The following CFAP157 variants were observed in gnomAD, a reference collection of about 807,000 sequenced individuals.
CFAP157 encodes cilia and flagella associated protein 157, also known as cilia- and flagella-associated protein 157.
Under a neutral mutation model 57.8 loss-of-function variants are expected in CFAP157, and 43 were observed. The ratio of observed to expected loss-of-function variants is 0.74; its 90% CI spans 0.58 to 0.96. The LOEUF is 0.96. Ranked by LOEUF, CFAP157 falls within the 40% of genes least tolerant of loss-of-function variation. The probability of loss-of-function intolerance (pLI) is 0.00; values close to 1 mark genes in which losing one functional copy is unlikely to be tolerated. For missense variants in CFAP157, 606 were observed against 655.3 expected (o/e 0.92, Z 0.82); for synonymous variants, 267 against 269.0 (o/e 0.99, Z 0.07).
chr9:127,715,605 C>G lies in CFAP157; in HGVS notation c.*1700C>G. On this transcript the variant is annotated 3_prime_UTR_variant, in exon 9 of 9. Transcript: ENST00000373295. The surrounding 1 kb of genome is among the most constrained non-coding windows in gnomAD (Gnocchi z 5.8). ...ACATCGGCTCATGGCTCTACTCAGC[C>G]GCTGTCCGGCGCCCAAAAAGCCGCC... is the stretch of plus-strand genomic sequence containing the variant. The G allele has an allele frequency of 6.2e-7, 1 of 1,613,070 alleles. No individual in the cohort carries two copies. The highest frequency in any genetic ancestry group is 1.1e-5 in the South Asian group (1 of 91,072).
In CFAP157 at chr9:127,714,476, C is replaced by A; in HGVS notation, c.*571C>A. The A allele has an allele frequency of 6.2e-7, 1 of 1,609,234 alleles. No individual in the cohort carries two copies. Among genetic ancestry groups the A allele is most frequent in the Non-Finnish European group, 8.5e-7 (1 of 1,175,644 alleles). The stretch of plus-strand genomic sequence containing the variant: ...AGTGCCTCCCTGGGGCAGTGTCCTT[C>A]CACCCCTCCCTGCCCCGGCTGGGTC... On this transcript the variant is annotated 3_prime_UTR_variant, in exon 9 of 9. Coordinates refer to ENST00000373295, the MANE Select transcript of CFAP157 (RefSeq NM_001012502.3).
Position 127,714,297 on chromosome 9 carries a change from G to C in CFAP157, c.*392G>C. ...CTTGGCATTGCCTGTGGGAGAGCCA[G>C]AGAGGCCCAGGAAGCTTTGGCGAGG... On this transcript the variant is annotated 3_prime_UTR_variant, in exon 9 of 9. Coordinates refer to ENST00000373295, the MANE Select transcript of CFAP157 (RefSeq NM_001012502.3). The C allele has an allele frequency of 6.2e-7, 1 of 1,614,010 alleles. No individual in the cohort carries two copies. Among genetic ancestry groups the C allele is most frequent in the Non-Finnish European group, 8.5e-7 (1 of 1,179,912 alleles).
At chr9:127,712,585 G>A in intron 6 of CFAP157, 124 bp from the exon 7 acceptor site, 1 of 1,572,610 alleles carries the variant, frequency 6.4e-7, no homozygotes, top group Non-Finnish European at 8.6e-7. Flanking sequence ...CCCGACTGAA[G>A]AATGGGTATC....
Position 127,714,193 on chromosome 9 carries a change from C to T in CFAP157, c.*288C>T. On this transcript the variant is annotated 3_prime_UTR_variant, in exon 9 of 9. Coordinates refer to ENST00000373295, the MANE Select transcript of CFAP157 (RefSeq NM_001012502.3). ...CCAGCAACAGAGGCAGCAGCTCCTGCTCAGCAGGGGAGAAGCAGCCCAGCA... is the reference window on the plus strand; with the variant it reads ...CCAGCAACAGAGGCAGCAGCTCCTGTTCAGCAGGGGAGAAGCAGCCCAGCA... The T allele has an allele frequency of 1.2e-6, 2 of 1,613,972 alleles. No homozygotes were observed. The highest frequency in any genetic ancestry group is 1.7e-6 in the Non-Finnish European group (2 of 1,180,012).
chr9:127,710,787 G>A (rs1449712192), intron 3 of CFAP157, 33 bp downstream of exon 3: 2 of 1,551,508 alleles, frequency 1.3e-6, no homozygotes, highest in South Asian at 1.2e-5. Flanking sequence ...GGGGCCTTTG[G>A]AGGCTTCATC....
chr9:127,715,535 G>A lies in CFAP157; in HGVS notation c.*1630G>A. ...GGGAGCCCCTACGTCGCCGCCCCAC[G>A]CCACTCACCATCCACCGCTTCCCCG... is the stretch of plus-strand genomic sequence containing the variant. On this transcript the variant is annotated 3_prime_UTR_variant, in exon 9 of 9. Transcript: ENST00000373295. This position sits in a 1 kb window ranked among gnomAD's most constrained non-coding sequence, Gnocchi z 5.8. 6.2e-7 allele frequency: 1 copy of A among 1,613,376 alleles called. No homozygotes were observed. Among genetic ancestry groups the A allele is most frequent in the Non-Finnish European group, 8.5e-7 (1 of 1,180,020 alleles).
rs1404349570 is a variant in CFAP157 at position 127,707,136 on chromosome 9, G to A, written c.105G>A (p.Lys35=). 1 of 1,613,684 alleles carries A rather than the reference G, an allele frequency of 6.2e-7. No individual in the cohort carries two copies. Among genetic ancestry groups the A allele is most frequent in the Non-Finnish European group, 8.5e-7 (1 of 1,180,030 alleles). ...PVVAVEPPLA[K]EMKEFYHIQI... ...TGGCCGTGGAGCCGCCTCTGGCCAAGGAGATGAAGGAGTTCTACCACATCC... is the reference window on the plus strand; with the variant it reads ...TGGCCGTGGAGCCGCCTCTGGCCAAAGAGATGAAGGAGTTCTACCACATCC... The change falls in exon 1 of 9, where the codon AAG becomes AAA. Residue 35 remains lysine, a synonymous_variant. Coordinates refer to ENST00000373295, the MANE Select transcript of CFAP157 (RefSeq NM_001012502.3).
chr9:127,712,658 G>A, intron 6 of CFAP157, 51 bp from the exon 7 acceptor site: 1 of 1,613,824 alleles, frequency 6.2e-7, no homozygotes, highest in Non-Finnish European at 8.5e-7. Flanking sequence ...CTGGACGAGG[G>A]TGGGTACTGG....
chr9:127,711,987 A>C, intron 5 of CFAP157, 37 bp downstream of exon 5: 1 of 1,581,290 alleles, frequency 6.3e-7, no homozygotes, highest in Non-Finnish European at 8.6e-7. Flanking sequence ...CGGCGGGTGC[A>C]GGCTGGGGCC....
At chr9:127,713,319 G>C (rs1418343359) in intron 8 of CFAP157, 113 bp downstream of exon 8, 3 of 820,888 alleles carry the variant, frequency 3.7e-6, no homozygotes, top group Non-Finnish European at 5.5e-6. Context: ...AGATCTCTCT[G>C]AGCCTTCCCA....
In CFAP157 at chr9:127,709,717, G is replaced by A. The variant is rs1321666796; in HGVS notation, c.433+24G>A. The A allele has an allele frequency of 6.2e-7, 1 of 1,605,134 alleles. No individual in the cohort carries two copies. The highest frequency in any genetic ancestry group is 8.5e-7 in the Non-Finnish European group (1 of 1,174,872). ...TGGTGAGGAGGGGACTGGCTGGTGA[G>A]CCTGCAGGCACACATCCCAGCTCTA... On this transcript the variant is annotated intron_variant, in intron 2 of 8. Transcript: ENST00000373295. This position sits in a 1 kb window ranked among gnomAD's most constrained non-coding sequence, Gnocchi z 4.7.
At position 127,715,113 on chromosome 9, in the gene CFAP157, G is replaced by C; in HGVS notation, c.*1208G>C. 2 of 1,534,336 alleles carry C rather than the reference G, an allele frequency of 1.3e-6. No homozygotes were observed. The highest frequency in any genetic ancestry group is 1.7e-6 in the Non-Finnish European group (2 of 1,146,080). ...CGCGTCCAACTCTCCGCCACACCCA[G>C]CCGCCGCGCCAGCTGCCCCAGCACC... On this transcript the variant is annotated 3_prime_UTR_variant, in exon 9 of 9. Coordinates refer to ENST00000373295, the MANE Select transcript of CFAP157 (RefSeq NM_001012502.3). This position sits in a 1 kb window ranked among gnomAD's most constrained non-coding sequence, Gnocchi z 5.8.
chr9:127,707,314 G>A, intron 1 of CFAP157, 122 bp downstream of exon 1: 1 of 1,034,680 alleles, frequency 9.7e-7, no homozygotes, highest in Non-Finnish European at 1.4e-6. Flanking sequence ...GGGATGTCCA[G>A]ACCCCATCCC....
Position 127,706,994 on chromosome 9 carries a change from C to G in CFAP157, c.-38C>G, listed in dbSNP as rs1488356166. 6.2e-7 allele frequency: 1 copy of G among 1,607,918 alleles called. No individual in the cohort carries two copies. The highest frequency in any genetic ancestry group is 1.3e-5 in the African/African-American group (1 of 74,646). On this transcript the variant is annotated 5_prime_UTR_variant, in exon 1 of 9. Transcript: ENST00000373295. ...ACCAGCTTCCTTAGCAACCACCTGGCCTCTTCCTGGGGCCTGGAGCCCTGG... is the reference window on the plus strand; with the variant it reads ...ACCAGCTTCCTTAGCAACCACCTGGGCTCTTCCTGGGGCCTGGAGCCCTGG...
chr9:127,710,827 G>C, intron 3 of CFAP157, 73 bp downstream of exon 3: 1 of 1,503,990 alleles, frequency 6.6e-7, no homozygotes, highest in Non-Finnish European at 9.0e-7. Context: ...TAGTCTTCAG[G>C]CCTCAGCTTC....
chr9:127,714,897 C>T lies in CFAP157; in HGVS notation c.*992C>T, dbSNP rs1238918479. 1.9e-6 allele frequency: 2 copies of T among 1,043,140 alleles called. No homozygotes were observed. The highest frequency in any genetic ancestry group is 3.2e-5 in the African/African-American group (2 of 62,354). The allele number at this position is 1,043,140 out of a possible 1,614,324, so 64.6% of individuals were successfully genotyped here. ...GGTGAACCCGCGGATCTGTCACAGC[C>T]AGTGCTCCCCTCTGGCCCCCGCGCC... On this transcript the variant is annotated 3_prime_UTR_variant, in exon 9 of 9. Coordinates refer to ENST00000373295, the MANE Select transcript of CFAP157 (RefSeq NM_001012502.3).
At position 127,708,346 on chromosome 9, in the gene CFAP157, G is replaced by A. The variant is rs191607075; in HGVS notation, c.162-1076G>A. ...ACAAAAATTAGCTGGGCATGGTGGC[G>A]GGCGCCTGTAATCCCAGCTACTCAG... On this transcript the variant is annotated intron_variant, in intron 1 of 8. Transcript: ENST00000373295. Among the ~76,000 whole-genome samples, 8 of 152,094 alleles carry A rather than the reference G, an allele frequency of 5.3e-5. No homozygotes were observed. The East Asian group carries it at 7.7e-4, about 15-fold the overall frequency.
At position 127,714,986 on chromosome 9, in the gene CFAP157, ACG is replaced by A. The variant is rs1842910580; in HGVS notation, c.*1083_*1084del. 1 of 878,126 alleles carries A rather than the reference ACG, an allele frequency of 1.1e-6. No homozygotes were observed. The highest frequency in any genetic ancestry group is 1.7e-5 in the South Asian group (1 of 60,352). 54.4% of individuals were successfully genotyped at this position (878,126 alleles called of 1,614,324 possible). On this transcript the variant is annotated 3_prime_UTR_variant, in exon 9 of 9. Transcript: ENST00000373295. ...CGCTCTCAACTCACCAGCCCGGGCC[ACG>A]CTGCGCCCGTTGGCGTTCATAAGCC...
Position 127,715,163 on chromosome 9 carries a change from C to A in CFAP157, c.*1258C>A, listed in dbSNP as rs1167143084. 6.5e-7 allele frequency: 1 copy of A among 1,530,508 alleles called. No individual in the cohort carries two copies. The highest frequency in any genetic ancestry group is 2.0e-5 in the Admixed American group (1 of 50,270). 94.8% of individuals were successfully genotyped at this position (1,530,508 alleles called of 1,614,324 possible). A position where few individuals can be genotyped will look rare whatever the true frequency, so the allele number is the denominator to read the frequency against. Reference sequence around the variant, plus strand: ...CGCCATGCCCACGCTGTGTCGCGTGCCGGGCAGTCCGGGATTCCCCAGGCC... The same window carrying A: ...CGCCATGCCCACGCTGTGTCGCGTGACGGGCAGTCCGGGATTCCCCAGGCC... On this transcript the variant is annotated 3_prime_UTR_variant, in exon 9 of 9. Transcript: ENST00000373295. The surrounding 1 kb of genome is among the most constrained non-coding windows in gnomAD (Gnocchi z 5.8).
Sources: gnomAD v4.1 joint callset for allele counts (sites outside exome capture counted in the v4.1 genomes callset) on GRCh38, gnomAD v4.1.1 for gene constraint, Gnocchi (gnomAD v3.1) non-coding constraint, MANE v1.5 for transcripts, NCBI Gene and HGNC (gene_info 2026-07-23, HGNC 2026-07-21) for gene names.